Variants in TOP1 observed in about 807,000 individuals in gnomAD.
TOP1 encodes the protein DNA topoisomerase 1.
In TOP1, 10 loss-of-function variants were observed where a neutral mutation model predicts 111.1. The observed-to-expected ratio is 0.09, with a 90% CI of 0.06 to 0.15. TOP1 has a LOEUF of 0.15. Ranked by LOEUF, TOP1 falls within the 10% of genes least tolerant of loss-of-function variation. The pLI is 1.00. For missense variants in TOP1, 474 were observed against 926.7 expected, an observed-to-expected ratio of 0.51 and a Z score of 6.34; for synonymous variants, 271 against 302.9, an observed-to-expected ratio of 0.89 and a Z score of 1.10.
rs888668414 is a variant in TOP1 at position 41,094,707 on chromosome 20, C to T, written c.730+2120C>T. ...TATTTGACTTTACTTCAAACTGATA[C>T]AGTAAGTGCTGCCTACTCTCTGGGG... On this transcript the variant is annotated intron_variant, in intron 9 of 20. Transcript: ENST00000361337. The surrounding 1 kb of genome is among the most constrained non-coding windows in gnomAD (Gnocchi z 4.4). Among the ~76,000 whole-genome samples, 4 of 152,192 alleles carry T rather than the reference C, an allele frequency of 2.6e-5. No individual in the cohort carries two copies. The highest frequency in any genetic ancestry group is 4.4e-5 in the Non-Finnish European group (3 of 68,028).
intron 17 of TOP1, among the ~76,000 whole-genome samples, chr20:41,117,171 G>A (rs2034343171): frequency 6.6e-6 from 1 of 151,988 alleles, no homozygotes; most frequent in Non-Finnish European, 1.5e-5. Context: ...GGGCAATGTA[G>A]TGAGACCTTG....
chr20:41,088,340 T>C (rs912675822), intron 8 of TOP1, among the ~76,000 whole-genome samples: 1 of 151,994 alleles, frequency 6.6e-6, no homozygotes, highest in Admixed American at 6.6e-5. Flanking sequence ...CTGCTAAAAA[T>C]ACAAAAACAA....
chr20:41,063,395 G>A (rs2033569482), intron 3 of TOP1, among the ~76,000 whole-genome samples: 1 of 152,160 alleles, frequency 6.6e-6, no homozygotes, highest in Non-Finnish European at 1.5e-5. Context: ...GAGCTGCAGT[G>A]AACATGTGTG....
At chr20:41,089,370 A>C (rs1214507536) in intron 8 of TOP1, among the ~76,000 whole-genome samples, 1 of 152,120 alleles carries the variant, frequency 6.6e-6, no homozygotes, top group East Asian at 1.9e-4. Flanking sequence ...TTCTGTCTCT[A>C]TGAATTTGAC....
intron 2 of TOP1, among the ~76,000 whole-genome samples, chr20:41,047,403 C>T (rs1345871085): frequency 6.6e-6 from 1 of 152,200 alleles, no homozygotes; most frequent in Non-Finnish European, 1.5e-5. Flanking sequence ...GGTTTGTAGC[C>T]TAGGAGCAAC....
chr20:41,075,912 G>T (rs903526898), intron 3 of TOP1, among the ~76,000 whole-genome samples: 1 of 152,102 alleles, frequency 6.6e-6, no homozygotes, highest in African/African-American at 2.4e-5. Context: ...AAATACACAG[G>T]GCTGGCTGTG....
In TOP1 at chr20:41,098,798, G is replaced by A. The variant is rs573524696; in HGVS notation, c.975+461G>A. 6.6e-6 allele frequency: 1 copy of A among 151,674 alleles called. No homozygotes were observed. Among genetic ancestry groups the A allele is most frequent in the South Asian group, 2.1e-4 (1 of 4,804 alleles). The allele number at this position is 151,674 out of a possible 1,614,324, so 9.4% of individuals were successfully genotyped here. On this transcript the variant is annotated intron_variant, in intron 11 of 20. Transcript: ENST00000361337. The surrounding 1 kb of genome is among the most constrained non-coding windows in gnomAD (Gnocchi z 5.7). ...GAAGGATCTTTCTGGTATCCAGCTGGGATGTCATTTTTCTTCTACAGGCTG... is the reference window on the plus strand; with the variant it reads ...GAAGGATCTTTCTGGTATCCAGCTGAGATGTCATTTTTCTTCTACAGGCTG...
At position 41,046,813 on chromosome 20, in the gene TOP1, T is replaced by G. The variant is rs1568674234; in HGVS notation, c.59-14581T>G. Among the ~76,000 whole-genome samples the G allele has an allele frequency of 6.6e-6, 1 of 152,244 alleles. No individual in the cohort carries two copies. Among genetic ancestry groups the G allele is most frequent in the African/African-American group, 2.4e-5 (1 of 41,460 alleles). On this transcript the variant is annotated intron_variant, in intron 2 of 20. Transcript: ENST00000361337. This position sits in a 1 kb window ranked among gnomAD's most constrained non-coding sequence, Gnocchi z 4.3. ...TGAACAAGTATGATGTTGTTCCCACTTCAAGGGGAATAAATAACAAATTTA... is the reference window on the plus strand; with the variant it reads ...TGAACAAGTATGATGTTGTTCCCACGTCAAGGGGAATAAATAACAAATTTA...
intron 14 of TOP1, among the ~76,000 whole-genome samples, chr20:41,113,715 CAAA>C (rs987087793): frequency 9.6e-6 from 1 of 103,648 alleles, no homozygotes; most frequent in Non-Finnish European, 2.2e-5. Flanking sequence ...ACTAAAAATA[CAAA>C]AAAAAAAAAA....
In TOP1 at chr20:41,098,397, TTTC is replaced by T; in HGVS notation, c.975+66_975+68del. On this transcript the variant is annotated intron_variant, in intron 11 of 20. Coordinates refer to ENST00000361337, the MANE Select transcript of TOP1 (RefSeq NM_003286.4). This position sits in a 1 kb window ranked among gnomAD's most constrained non-coding sequence, Gnocchi z 5.7. ...TGGAATTGTGATTGGTTCATTTAAC[TTTC>T]TTCTTGGTTCTTATGACACAACATT... 6.4e-7 allele frequency: 1 copy of T among 1,564,250 alleles called. No individual in the cohort carries two copies. Among genetic ancestry groups the T allele is most frequent in the Non-Finnish European group, 8.7e-7 (1 of 1,145,768 alleles).
Position 41,092,184 on chromosome 20 carries a change from C to T in TOP1, c.615-288C>T, listed in dbSNP as rs1421753907. ...ACTGTTTACATTTTCAAGTCCCTCA[C>T]TTGTTACTGAGCTCCTTCATTGTTG... is the stretch of plus-strand genomic sequence containing the variant. On this transcript the variant is annotated intron_variant, in intron 8 of 20. Transcript: ENST00000361337. The surrounding 1 kb of genome is among the most constrained non-coding windows in gnomAD (Gnocchi z 4.3). Among the ~76,000 whole-genome samples, 1 of 152,220 alleles carries T rather than the reference C, an allele frequency of 6.6e-6. No individual in the cohort carries two copies. Among genetic ancestry groups the T allele is most frequent in the Admixed American group, 6.5e-5 (1 of 15,286 alleles).
intron 2 of TOP1, among the ~76,000 whole-genome samples, chr20:41,052,703 A>T (rs2033420294): frequency 6.6e-6 from 1 of 152,162 alleles, no homozygotes; most frequent in Non-Finnish European, 1.5e-5. Context: ...TAAAAGAAAA[A>T]AAAAGGACCA....
chr20:41,106,692 T>G lies in TOP1; in HGVS notation c.1308+5339T>G, dbSNP rs1397043702. ...TTTTTTTCCATTATGTTTCTGTTGGTTATTCCTGAAGTGGTAATGCTTATA... is the reference window on the plus strand; with the variant it reads ...TTTTTTTCCATTATGTTTCTGTTGGGTATTCCTGAAGTGGTAATGCTTATA... On this transcript the variant is annotated intron_variant, in intron 13 of 20. Transcript: ENST00000361337. The surrounding 1 kb of genome is among the most constrained non-coding windows in gnomAD (Gnocchi z 4.3). 6.6e-6 allele frequency among the ~76,000 whole-genome samples: 1 copy of G among 152,176 alleles called. No homozygotes were observed. The highest frequency in any genetic ancestry group is 1.5e-5 in the Non-Finnish European group (1 of 68,010).
chr20:41,086,358 C>T (rs1315046121), intron 8 of TOP1, among the ~76,000 whole-genome samples: 1 of 151,974 alleles, frequency 6.6e-6, no homozygotes, highest in Non-Finnish European at 1.5e-5. Context: ...GTGATCTTGA[C>T]CTTTAAGAAA....
chr20:41,073,436 T>TA (rs1486667860), intron 3 of TOP1: 3 of 985,160 alleles, frequency 3.0e-6, no homozygotes, highest in Non-Finnish European at 3.6e-6. Flanking sequence ...CAAAGGTTTT[T>TA]ATCCTTTCAG....
At chr20:41,099,133 G>C (rs143566522) in intron 11 of TOP1, among the ~76,000 whole-genome samples, 2 of 152,164 alleles carry the variant, frequency 1.3e-5, no homozygotes, top group East Asian at 1.9e-4. Flanking sequence ...AAGGACTTGC[G>C]TGTTTACGTA....
chr20:41,065,110 G>A (rs957209006), intron 3 of TOP1, among the ~76,000 whole-genome samples: 11 of 152,088 alleles, frequency 7.2e-5, no homozygotes, highest in Non-Finnish European at 1.5e-4. Flanking sequence ...TCACCATGTT[G>A]ACTAGGCTGG....
intron 8 of TOP1, among the ~76,000 whole-genome samples, chr20:41,088,264 C>T (rs549323421): frequency 2.6e-5 from 4 of 152,246 alleles, no homozygotes; most frequent in East Asian, 1.9e-4. Flanking sequence ...TTTGGAAGGC[C>T]GAAGCGGGCA....
At position 41,030,877 on chromosome 20, in the gene TOP1, A is replaced by C. The variant is rs372412867; in HGVS notation, c.58+1422A>C. Among the ~76,000 whole-genome samples, 1 of 152,188 alleles carries C rather than the reference A, an allele frequency of 6.6e-6. No homozygotes were observed. Among genetic ancestry groups the C allele is most frequent in the Non-Finnish European group, 1.5e-5 (1 of 68,034 alleles). On this transcript the variant is annotated intron_variant, in intron 2 of 20. Coordinates refer to ENST00000361337, the MANE Select transcript of TOP1 (RefSeq NM_003286.4). This position sits in a 1 kb window ranked among gnomAD's most constrained non-coding sequence, Gnocchi z 4.1. ...GAGAGAATCTGGTTTAAAGTATGGC[A>C]TTTCTTGAGCACCAGATATGTGCCA...
Sources: allele counts gnomAD v4.1 joint callset (sites outside exome capture counted in the v4.1 genomes callset), GRCh38; gene constraint gnomAD v4.1.1; non-coding constraint Gnocchi (gnomAD v3.1); transcripts MANE v1.5; gene names NCBI Gene and HGNC (gene_info 2026-07-23, HGNC 2026-07-21).